RHOQ: variants seen among roughly 807,000 people sequenced by gnomAD.
RHOQ encodes the protein ras homolog family member Q.
RHOQ carries 7 observed loss-of-function variants against 25.8 expected under a neutral mutation model. That is an observed-to-expected ratio of 0.27 (90% CI 0.15 to 0.51). RHOQ has a LOEUF of 0.51. RHOQ is among the 20% of genes least tolerant of loss of function. RHOQ has a pLI of 0.97. For missense variants in RHOQ, 165 were observed against 260.6 expected, an observed-to-expected ratio of 0.63 and a Z score of 2.53; for synonymous variants, 97 against 98.6, an observed-to-expected ratio of 0.98 and a Z score of 0.10.
intron 2 of RHOQ, among the ~76,000 whole-genome samples, chr2:46,554,818 A>G (rs1158641046): frequency 1.2e-4 from 18 of 147,254 alleles, no homozygotes; most frequent in Non-Finnish European, 6.0e-5. Context: ...ATTTGTTCCA[A>G]TCTAGAAAAC....
intron 2 of RHOQ, among the ~76,000 whole-genome samples, chr2:46,544,366 A>G (rs947430801): frequency 2.0e-5 from 3 of 152,170 alleles, no homozygotes; most frequent in African/African-American, 7.2e-5. Flanking sequence ...AAAAGAAACA[A>G]CAACCATGTA....
chr2:46,578,650 G>T (rs1426910958), intron 4 of RHOQ, among the ~76,000 whole-genome samples: 1 of 150,112 alleles, frequency 6.7e-6, no homozygotes, highest in Non-Finnish European at 1.5e-5. Context: ...CAGCTACTTG[G>T]GGGGCTGAGG....
At position 46,566,982 on chromosome 2, in the gene RHOQ, G is replaced by C. The variant is rs1209137588; in HGVS notation, c.202-9105G>C. Among the ~76,000 whole-genome samples, 6 of 152,028 alleles carry C rather than the reference G, an allele frequency of 3.9e-5. No homozygotes were observed. Among genetic ancestry groups the C allele is most frequent in the African/African-American group, 1.5e-4 (6 of 41,364 alleles). On this transcript the variant is annotated intron_variant, in intron 2 of 4. Transcript: ENST00000238738. This position sits in a 1 kb window ranked among gnomAD's most constrained non-coding sequence, Gnocchi z 4.2. ...TCCCAATTTGTTCAATGCCTGATTT[G>C]ATACCTCAATTTTATCAGACCCATC...
intron 2 of RHOQ, among the ~76,000 whole-genome samples, chr2:46,544,519 A>T (rs1457663836): frequency 6.6e-6 from 1 of 152,200 alleles, no homozygotes; most frequent in Non-Finnish European, 1.5e-5. Flanking sequence ...CAGAAAGAAG[A>T]TGCACACTTT....
Position 46,551,776 on chromosome 2 carries a change from G to A in RHOQ, c.201+7964G>A, listed in dbSNP as rs139345756. Among the ~76,000 whole-genome samples, 9 of 152,286 alleles carry A rather than the reference G, an allele frequency of 5.9e-5. No homozygotes were observed. In the East Asian group the frequency reaches 1.7e-3, roughly 29 times the overall value. ...TCTACTCAGGCTCAGGGTAGACTGAGGGGCTTAAAAGTGGCAGGCTCATCA... is the reference window on the plus strand; with the variant it reads ...TCTACTCAGGCTCAGGGTAGACTGAAGGGCTTAAAAGTGGCAGGCTCATCA... On this transcript the variant is annotated intron_variant, in intron 2 of 4. Transcript: ENST00000238738.
intron 2 of RHOQ, among the ~76,000 whole-genome samples, chr2:46,546,286 T>A (rs925655972): frequency 6.6e-6 from 1 of 151,408 alleles, no homozygotes; most frequent in East Asian, 1.9e-4. Flanking sequence ...ATGTGTTACA[T>A]AGGAGATCTC....
chr2:46,554,172 A>AC (rs1181474423), intron 2 of RHOQ, among the ~76,000 whole-genome samples: 1 of 149,412 alleles, frequency 6.7e-6, no homozygotes, highest in South Asian at 2.1e-4. Flanking sequence ...CACAAAACAC[A>AC]CCCCCATATA....
chr2:46,553,099 C>T (rs970094689), intron 2 of RHOQ, among the ~76,000 whole-genome samples: 11 of 152,144 alleles, frequency 7.2e-5, no homozygotes, highest in Non-Finnish European at 1.5e-4. Context: ...ATCCCAAATC[C>T]TCTGAATGAA....
intron 2 of RHOQ, among the ~76,000 whole-genome samples, chr2:46,570,966 T>C (rs1302282323): frequency 2.6e-5 from 4 of 152,228 alleles, no homozygotes; most frequent in African/African-American, 4.8e-5. Context: ...TACATTCCTA[T>C]AGTACTTTAT....
At position 46,582,935 on chromosome 2, in the gene RHOQ, A is replaced by G. The variant is rs574609440; in HGVS notation, c.*1852A>G. On this transcript the variant is annotated 3_prime_UTR_variant, in exon 5 of 5. Coordinates refer to ENST00000238738, the MANE Select transcript of RHOQ (RefSeq NM_012249.4). Reference sequence around the variant, plus strand: ...TTTCTTCCAAGAAATGGTGGTTCACATTAAAGTATCATGGCCTTATGTATG... The same window carrying G: ...TTTCTTCCAAGAAATGGTGGTTCACGTTAAAGTATCATGGCCTTATGTATG... The G allele has an allele frequency of 1.3e-5, 2 of 152,390 alleles. No homozygotes were observed. Among genetic ancestry groups the G allele is most frequent in the South Asian group, 4.1e-4 (2 of 4,830 alleles). 9.4% of individuals were successfully genotyped at this position (152,390 alleles called of 1,614,324 possible).
At chr2:46,580,350 C>T (rs1445345797) in intron 4 of RHOQ, 1 of 152,300 alleles carries the variant, frequency 6.6e-6, no homozygotes, top group East Asian at 1.9e-4. Flanking sequence ...TCACTCTTTT[C>T]AGGTCTCTGC....
chr2:46,574,730 C>T (rs376766805), intron 2 of RHOQ, among the ~76,000 whole-genome samples: 1 of 152,122 alleles, frequency 6.6e-6, no homozygotes, highest in Non-Finnish European at 1.5e-5. Flanking sequence ...AAAAGGGTTA[C>T]CCACCAGTCA....
rs745609569 is a variant in RHOQ at position 46,566,814 on chromosome 2, G to A, written c.202-9273G>A. ...TCTGTCTCCTTAAGCGGTCCCTCAG[G>A]TCTCAGGTTGAACATCACCCCTGCA... On this transcript the variant is annotated intron_variant, in intron 2 of 4. Transcript: ENST00000238738. The surrounding 1 kb of genome is among the most constrained non-coding windows in gnomAD (Gnocchi z 4.2). Among the ~76,000 whole-genome samples the A allele has an allele frequency of 6.6e-6, 1 of 152,108 alleles. No homozygotes were observed. Among genetic ancestry groups the A allele is most frequent in the Non-Finnish European group, 1.5e-5 (1 of 68,030 alleles).
chr2:46,577,560 C>T (rs1043460285), intron 4 of RHOQ, among the ~76,000 whole-genome samples: 7 of 146,618 alleles, frequency 4.8e-5, no homozygotes, highest in African/African-American at 1.3e-4. Flanking sequence ...CCACCACACC[C>T]GGCTATTTTT....
chr2:46,546,423 T>C (rs1668045111), intron 2 of RHOQ, among the ~76,000 whole-genome samples: 1 of 134,442 alleles, frequency 7.4e-6, no homozygotes, highest in Non-Finnish European at 1.6e-5. Context: ...GGTTTATATA[T>C]ATATATATGT....
In RHOQ at chr2:46,543,000, G is replaced by T; in HGVS notation, c.-47G>T. The T allele has an allele frequency of 7.0e-7, 1 of 1,424,254 alleles. No homozygotes were observed. The highest frequency in any genetic ancestry group is 9.2e-7 in the Non-Finnish European group (1 of 1,082,368). 88.2% of individuals were successfully genotyped at this position (1,424,254 alleles called of 1,614,324 possible). A position where few individuals can be genotyped will look rare whatever the true frequency, so the allele number is the denominator to read the frequency against. On this transcript the variant is annotated 5_prime_UTR_variant, in exon 1 of 5. Coordinates refer to ENST00000238738, the MANE Select transcript of RHOQ (RefSeq NM_012249.4). Reference sequence around the variant, plus strand: ...GGGCTGGGGCTGAGCCCGGGGCCGGGGCGGGGGCTCCGGGGGGACCATGCC... The same window carrying T: ...GGGCTGGGGCTGAGCCCGGGGCCGGTGCGGGGGCTCCGGGGGGACCATGCC...
At chr2:46,543,632 GC>G in intron 1 of RHOQ, 121 bp from the exon 2 acceptor site, 2 of 804,038 alleles carry the variant, frequency 2.5e-6, no homozygotes, top group Non-Finnish European at 4.2e-6. Flanking sequence ...GTGACATCTC[GC>G]GGGGAGCGCC....
At chr2:46,558,269 T>C (rs976101734) in intron 2 of RHOQ, among the ~76,000 whole-genome samples, 3 of 152,238 alleles carry the variant, frequency 2.0e-5, no homozygotes, top group African/African-American at 7.2e-5. Flanking sequence ...ATTAGATCCC[T>C]GTTTCCAGGA....
intron 2 of RHOQ, among the ~76,000 whole-genome samples, chr2:46,575,365 G>A (rs1421959878): frequency 6.7e-6 from 1 of 148,534 alleles, no homozygotes; most frequent in African/African-American, 2.5e-5. Flanking sequence ...GGAGGATTTT[G>A]GTGGGTTTAC....
Sources: allele counts gnomAD v4.1 joint callset (sites outside exome capture counted in the v4.1 genomes callset), GRCh38; gene constraint gnomAD v4.1.1; non-coding constraint Gnocchi (gnomAD v3.1); transcripts MANE v1.5; gene names NCBI Gene and HGNC (gene_info 2026-07-23, HGNC 2026-07-21).